ZCWPW2: variants seen among roughly 807,000 people sequenced by gnomAD.
ZCWPW2 encodes the protein zinc finger CW-type PWWP domain protein 2.
In ZCWPW2, 45 loss-of-function variants were observed where a neutral mutation model predicts 46.6. The observed-to-expected ratio is 0.96, with a 90% CI of 0.76 to 1.24. The LOEUF (loss-of-function observed/expected upper bound fraction) is 1.24. ZCWPW2 is among the 50% of genes most tolerant of loss of function. The pLI is 0.00. For missense variants in ZCWPW2, 429 were observed against 403.9 expected (o/e 1.06, Z -0.53); for synonymous variants, 152 against 137.1 (o/e 1.11, Z -0.76).
chr3:28,428,373 T>C (rs1697107926), intron 3 of ZCWPW2: 1 of 152,120 alleles, frequency 6.6e-6, no homozygotes, highest in African/African-American at 2.4e-5. Context: ...ACCTGTGCTT[T>C]CCCTAACTCA....
At chr3:28,417,105 G>A (rs1159055963) in intron 3 of ZCWPW2, among the ~76,000 whole-genome samples, 3 of 147,736 alleles carry the variant, frequency 2.0e-5, no homozygotes, top group Admixed American at 6.8e-5. Context: ...TAGACCGCTA[G>A]GAAGACTAAT....
intron 1 of ZCWPW2, among the ~76,000 whole-genome samples, chr3:28,361,056 C>A (rs1448297111): frequency 2.0e-5 from 3 of 152,034 alleles, no homozygotes; most frequent in African/African-American, 7.2e-5. Context: ...GTCCCATCCT[C>A]AAGATGTATC....
chr3:28,524,741 A>G lies in ZCWPW2; in HGVS notation c.*53A>G, dbSNP rs1700809442. 5 of 1,335,130 alleles carry G rather than the reference A, an allele frequency of 3.7e-6. No homozygotes were observed. Among genetic ancestry groups the G allele is most frequent in the Non-Finnish European group, 4.9e-6 (5 of 1,011,764 alleles). 82.7% of individuals were successfully genotyped at this position (1,335,130 alleles called of 1,614,324 possible). A position where few individuals can be genotyped will look rare whatever the true frequency, so the allele number is the denominator to read the frequency against. On this transcript the variant is annotated 3_prime_UTR_variant, in exon 10 of 10. Coordinates refer to ENST00000383768, the MANE Select transcript of ZCWPW2 (RefSeq NM_001040432.4). The stretch of plus-strand genomic sequence containing the variant: ...TAAAAATATTGGCATCTTTATATTT[A>G]TCCAAAGTTAAAACTTTAAAAATGT...
intron 4 of ZCWPW2, among the ~76,000 whole-genome samples, chr3:28,464,364 A>G (rs760451910): frequency 1.3e-5 from 2 of 152,114 alleles, no homozygotes; most frequent in Admixed American, 6.6e-5. Context: ...TCCTGCCTTC[A>G]TGCAACCTAA....
At chr3:28,511,688 C>T (rs1296349354) in intron 6 of ZCWPW2, among the ~76,000 whole-genome samples, 1 of 152,116 alleles carries the variant, frequency 6.6e-6, no homozygotes, top group African/African-American at 2.4e-5. Flanking sequence ...TTTCCTCTTC[C>T]ATTCAGTTGT....
intron 4 of ZCWPW2, among the ~76,000 whole-genome samples, chr3:28,476,880 G>A (rs1005195324): frequency 6.6e-6 from 1 of 152,020 alleles, no homozygotes; most frequent in Non-Finnish European, 1.5e-5. Flanking sequence ...TCACAATAGG[G>A]TTCATGTTCC....
intron 3 of ZCWPW2, among the ~76,000 whole-genome samples, chr3:28,414,400 G>A (rs1696553755): frequency 6.6e-6 from 1 of 151,154 alleles, no homozygotes; most frequent in Non-Finnish European, 1.5e-5. Flanking sequence ...GTTGTATAGG[G>A]AAACTCGTTT....
At chr3:28,449,257 A>C (rs1698132705) in intron 4 of ZCWPW2, among the ~76,000 whole-genome samples, 1 of 152,194 alleles carries the variant, frequency 6.6e-6, no homozygotes, top group South Asian at 2.1e-4. Flanking sequence ...TCAAAGACCT[A>C]AATGTAAGAC....
intron 9 of ZCWPW2, among the ~76,000 whole-genome samples, 155 bp from the exon 10 acceptor site, chr3:28,524,372 C>T (rs560499621): frequency 6.6e-5 from 10 of 152,128 alleles, no homozygotes; most frequent in African/African-American, 1.7e-4. Context: ...CACATTCATC[C>T]TGCATTATAC....
At chr3:28,511,902 T>C (rs1231796647) in intron 6 of ZCWPW2, among the ~76,000 whole-genome samples, 1 of 152,176 alleles carries the variant, frequency 6.6e-6, no homozygotes, top group African/African-American at 2.4e-5. Context: ...GTTCTCACTC[T>C]TGAAAAATAT....
At position 28,458,406 on chromosome 3, in the gene ZCWPW2, A is replaced by G. The variant is rs530209229; in HGVS notation, c.493-20408A>G. The stretch of plus-strand genomic sequence containing the variant: ...AGGTTCATTAAATTGTAGAACTCCT[A>G]TAGAAATTAAATATATACACAGCCA... On this transcript the variant is annotated intron_variant, in intron 4 of 9. Transcript: ENST00000383768. Among the ~76,000 whole-genome samples the G allele has an allele frequency of 7.2e-5, 11 of 152,328 alleles. No homozygotes were observed. The South Asian group carries it at 2.1e-3, about 29-fold the overall frequency.
At chr3:28,374,358 T>A (rs1705434843) in intron 1 of ZCWPW2, among the ~76,000 whole-genome samples, 1 of 152,158 alleles carries the variant, frequency 6.6e-6, no homozygotes, top group South Asian at 2.1e-4. Context: ...ATGGGTCTAG[T>A]TTTATGTGGC....
intron 2 of ZCWPW2, among the ~76,000 whole-genome samples, chr3:28,404,521 T>C (rs1414154350): frequency 6.6e-6 from 1 of 152,168 alleles, no homozygotes; most frequent in Admixed American, 6.5e-5. Flanking sequence ...TTTTCACTAC[T>C]GGCTCTCTAC....
intron 8 of ZCWPW2, among the ~76,000 whole-genome samples, chr3:28,515,879 A>T (rs1007264364): frequency 2.4e-4 from 36 of 152,058 alleles, no homozygotes; most frequent in African/African-American, 8.7e-4. Flanking sequence ...AGGGCTTTTA[A>T]ATTTTCTTTA....
intron 1 of ZCWPW2, among the ~76,000 whole-genome samples, chr3:28,368,926 T>C (rs1180261815): frequency 6.6e-6 from 1 of 152,212 alleles, no homozygotes; most frequent in Non-Finnish European, 1.5e-5. Flanking sequence ...CCATTACTGA[T>C]ACCCTTTCTT....
chr3:28,380,044 G>A (rs1383282611), intron 1 of ZCWPW2, among the ~76,000 whole-genome samples: 4 of 151,870 alleles, frequency 2.6e-5, no homozygotes, highest in Admixed American at 6.6e-5. Context: ...GTGCAGTGGC[G>A]TCATCTCGGC....
At chr3:28,439,086 T>C (rs560055098) in intron 4 of ZCWPW2, among the ~76,000 whole-genome samples, 1 of 140,212 alleles carries the variant, frequency 7.1e-6, no homozygotes, top group African/African-American at 3.0e-5. Context: ...CACATATATA[T>C]ACACATATAT....
At chr3:28,483,501 A>C (rs1575189816) in intron 5 of ZCWPW2, among the ~76,000 whole-genome samples, 1 of 152,084 alleles carries the variant, frequency 6.6e-6, no homozygotes, top group South Asian at 2.1e-4. Context: ...TTTTAGAATC[A>C]GTTTGTTGAT....
Position 28,384,247 on chromosome 3 carries a change from T to G in ZCWPW2, c.-133-6251T>G, listed in dbSNP as rs370317289. 3.0e-4 allele frequency among the ~76,000 whole-genome samples: 46 copies of G among 152,354 alleles called. 1 individual carries two copies. The East Asian group carries it at 5.0e-3, about 17-fold the overall frequency. On this transcript the variant is annotated intron_variant, in intron 1 of 9. Transcript: ENST00000383768. ...CTACCCATGGAATATGTTATATGTA[T>G]TTATACACTTTGTATTAATATGTTA... is the stretch of plus-strand genomic sequence containing the variant.
Sources: allele counts gnomAD v4.1 joint callset (sites outside exome capture counted in the v4.1 genomes callset), GRCh38; gene constraint gnomAD v4.1.1; transcripts MANE v1.5; gene names NCBI Gene and HGNC (gene_info 2026-07-23, HGNC 2026-07-21).